THEMIS: variants seen among roughly 807,000 people sequenced by gnomAD.
The protein encoded by THEMIS is thymocyte selection associated.
Under a neutral mutation model 52.6 loss-of-function variants are expected in THEMIS, and 37 were observed. That is an observed-to-expected ratio of 0.70 (90% confidence interval 0.54 to 0.93). THEMIS has a LOEUF of 0.93. THEMIS is among the 40% of genes least tolerant of loss of function. THEMIS has a pLI of 0.00. For synonymous variants in THEMIS, 292 were observed against 272.7 expected (o/e 1.07, Z -0.70); for missense variants, 808 against 763.1 (o/e 1.06, Z -0.69).
At chr6:127,703,035 GTTTTTT>G in the THEMIS span, among the ~76,000 whole-genome samples, 70 of 82,366 alleles carry the variant, frequency 8.5e-4, 1 homozygote, top group African/African-American at 3.5e-3. Flanking sequence ...TTTAGAATGA[GTTTTTT>G]TTTTTTTTTT....
intron 4 of THEMIS, among the ~76,000 whole-genome samples, chr6:127,755,159 A>G (rs1775779631): frequency 6.6e-6 from 1 of 152,214 alleles, no homozygotes; most frequent in Admixed American, 6.5e-5. Flanking sequence ...AAAATAATAT[A>G]ATGCTCTTGC....
At chr6:127,804,876 G>A (rs12205701) in intron 4 of THEMIS, among the ~76,000 whole-genome samples, 5,916 of 152,106 alleles carry the variant, frequency 0.039, 142 homozygotes, top group Middle Eastern at 0.061. Flanking sequence ...AGGACAAATG[G>A]TATGTAAAGT....
intron 4 of THEMIS, among the ~76,000 whole-genome samples, chr6:127,730,835 G>C (rs1459665189): frequency 6.6e-6 from 1 of 152,182 alleles, no homozygotes; most frequent in Non-Finnish European, 1.5e-5. Flanking sequence ...GTATGTGTGT[G>C]TTCCTGGCTA....
chr6:127,917,481 C>G (rs1781551169), intron 1 of THEMIS, among the ~76,000 whole-genome samples: 1 of 152,182 alleles, frequency 6.6e-6, no homozygotes, highest in Non-Finnish European at 1.5e-5. Context: ...ATTACTGAAC[C>G]TAGCCTTTCA....
downstream of THEMIS, among the ~76,000 whole-genome samples, chr6:127,705,180 A>G (rs1394125670): frequency 6.6e-6 from 1 of 152,220 alleles, no homozygotes; most frequent in African/African-American, 2.4e-5. Context: ...GAAGAGGATG[A>G]CTACACCTAT....
intron 4 of THEMIS, among the ~76,000 whole-genome samples, chr6:127,792,855 G>A (rs574688538): frequency 2.0e-5 from 3 of 152,316 alleles, no homozygotes; most frequent in East Asian, 1.9e-4. Flanking sequence ...ACTTCTGTGA[G>A]CAGAACCAAT....
intron 1 of THEMIS, among the ~76,000 whole-genome samples, chr6:127,878,206 G>C (rs1780372565): frequency 6.6e-6 from 1 of 152,164 alleles, no homozygotes; most frequent in African/African-American, 2.4e-5. Context: ...TTCTTGCAAA[G>C]TGGTATAAGA....
intron 3 of THEMIS, among the ~76,000 whole-genome samples, chr6:127,819,018 G>A (rs962727697): frequency 6.7e-6 from 1 of 149,720 alleles, no homozygotes; most frequent in Non-Finnish European, 1.5e-5. Flanking sequence ...TACTATGGAG[G>A]CTGAGACAGG....
chr6:127,703,084 G>A (rs1773747138), downstream of THEMIS, among the ~76,000 whole-genome samples: 1 of 101,772 alleles, frequency 9.8e-6, no homozygotes. Context: ...GTCTCGCTCT[G>A]TCGCCCAGGC....
chr6:127,873,139 T>C (rs1390765920), intron 1 of THEMIS, among the ~76,000 whole-genome samples: 1 of 152,210 alleles, frequency 6.6e-6, no homozygotes, highest in Non-Finnish European at 1.5e-5. Context: ...GAGAAATTAA[T>C]GATCTTAACA....
chr6:127,874,211 T>G (rs996520309), intron 1 of THEMIS, among the ~76,000 whole-genome samples: 1 of 152,170 alleles, frequency 6.6e-6, no homozygotes, highest in Non-Finnish European at 1.5e-5. Context: ...AATTGGATGC[T>G]TCCAACACTT....
chr6:127,850,165 T>C (rs1397966297), intron 2 of THEMIS, among the ~76,000 whole-genome samples: 1 of 151,746 alleles, frequency 6.6e-6, no homozygotes, highest in Non-Finnish European at 1.5e-5. Flanking sequence ...ATCAGGGAAA[T>C]GCAAATTAAA....
chr6:127,788,007 G>A (rs957079032), intron 4 of THEMIS, among the ~76,000 whole-genome samples: 16 of 149,252 alleles, frequency 1.1e-4, no homozygotes, highest in African/African-American at 3.5e-4. Context: ...GCACTGAGAA[G>A]GCTATGAGAG....
chr6:127,760,865 A>G (rs746549963), intron 4 of THEMIS, among the ~76,000 whole-genome samples: 3 of 152,154 alleles, frequency 2.0e-5, no homozygotes, highest in Non-Finnish European at 4.4e-5. Flanking sequence ...AACATATTAG[A>G]AAAGCTTATT....
chr6:127,847,188 G>A (rs775520267), intron 2 of THEMIS, among the ~76,000 whole-genome samples: 5 of 151,852 alleles, frequency 3.3e-5, no homozygotes, highest in Admixed American at 6.6e-5. Context: ...TACTGAATGG[G>A]GAAAAGTTGA....
downstream of THEMIS, among the ~76,000 whole-genome samples, chr6:127,707,053 C>T (rs2063547011): frequency 6.6e-6 from 1 of 152,098 alleles, no homozygotes; most frequent in South Asian, 2.1e-4. Context: ...TCCTTCTTCA[C>T]ATGGTGGCAG....
intron 4 of THEMIS, among the ~76,000 whole-genome samples, chr6:127,769,711 T>G (rs1007601855): frequency 6.6e-6 from 1 of 152,124 alleles, no homozygotes; most frequent in East Asian, 1.9e-4. Flanking sequence ...ACATGTGCCA[T>G]GTTGGTTTGC....
At chr6:127,851,804 C>G (rs888953658) in intron 2 of THEMIS, among the ~76,000 whole-genome samples, 2 of 151,688 alleles carry the variant, frequency 1.3e-5, no homozygotes, top group African/African-American at 4.8e-5. Flanking sequence ...ACTAAACATA[C>G]TCTTACTATA....
intron 4 of THEMIS, among the ~76,000 whole-genome samples, chr6:127,726,054 C>G (rs554132912): frequency 6.6e-6 from 1 of 152,214 alleles, no homozygotes; most frequent in African/African-American, 2.4e-5. Context: ...ACCTTGCTGG[C>G]TTGGTCTGGG....
Sources: allele counts gnomAD v4.1 joint callset (sites outside exome capture counted in the v4.1 genomes callset), GRCh38; gene constraint gnomAD v4.1.1; transcripts MANE v1.5; gene names NCBI Gene and HGNC (gene_info 2026-07-23, HGNC 2026-07-21).